Variants in FAF1 observed in about 807,000 individuals in gnomAD.
The protein encoded by FAF1 is FAS-associated factor 1.
A neutral mutation model predicts 92.5 loss-of-function variants in FAF1; 25 were observed. That is an observed-to-expected ratio of 0.27 (90% CI 0.20 to 0.38). The LOEUF (loss-of-function observed/expected upper bound fraction) is 0.38, where lower values mean the gene tolerates loss of function less well. Ranked by LOEUF, FAF1 falls within the 10% of genes least tolerant of loss-of-function variation. FAF1 has a pLI of 1.00. For missense variants in FAF1, 636 were observed against 793.3 expected, an observed-to-expected ratio of 0.80 and a Z score of 2.38; for synonymous variants, 234 against 273.2, an observed-to-expected ratio of 0.86 and a Z score of 1.42.
intron 7 of FAF1, among the ~76,000 whole-genome samples, chr1:50,674,505 A>G (rs989818923): frequency 6.6e-6 from 1 of 152,202 alleles, no homozygotes; most frequent in Non-Finnish European, 1.5e-5. Flanking sequence ...ACTCAAAGGG[A>G]TATTTCAGAG....
At chr1:50,843,665 T>A (rs1310987065) in intron 2 of FAF1, among the ~76,000 whole-genome samples, 1 of 152,054 alleles carries the variant, frequency 6.6e-6, no homozygotes, top group Non-Finnish European at 1.5e-5. Flanking sequence ...TTATTTAACA[T>A]AATGTCCTCC....
At chr1:50,590,033 T>C (rs955108208) in intron 9 of FAF1, among the ~76,000 whole-genome samples, 6 of 152,234 alleles carry the variant, frequency 3.9e-5, no homozygotes, top group African/African-American at 1.2e-4. Flanking sequence ...CATTGGGCTA[T>C]ATGTTAGTCT....
chr1:50,871,984 G>A (rs1481429457), intron 1 of FAF1, among the ~76,000 whole-genome samples: 1 of 148,956 alleles, frequency 6.7e-6, no homozygotes, highest in Non-Finnish European at 1.5e-5. Flanking sequence ...AGAATGGCAT[G>A]AACCCGGGAG....
chr1:50,665,971 G>A (rs1192283160), intron 7 of FAF1, among the ~76,000 whole-genome samples: 1 of 152,048 alleles, frequency 6.6e-6, no homozygotes, highest in Non-Finnish European at 1.5e-5. Flanking sequence ...GAGGTCAGAA[G>A]TTCAACACCA....
intron 13 of FAF1, among the ~76,000 whole-genome samples, chr1:50,544,292 C>G (rs1648899737): frequency 6.6e-6 from 1 of 152,136 alleles, no homozygotes; most frequent in African/African-American, 2.4e-5. Context: ...AAGGTAAAGG[C>G]AGTGATCCTA....
At chr1:50,837,252 G>C (rs563586346) in intron 2 of FAF1, among the ~76,000 whole-genome samples, 1 of 151,974 alleles carries the variant, frequency 6.6e-6, no homozygotes, top group African/African-American at 2.4e-5. Flanking sequence ...CACCGTGCCC[G>C]GCCATATGTT....
intron 1 of FAF1, among the ~76,000 whole-genome samples, chr1:50,933,670 G>A (rs1382369673): frequency 6.6e-6 from 1 of 152,076 alleles, no homozygotes; most frequent in South Asian, 2.1e-4. Context: ...TACCTTTTCG[G>A]CAACGCCCCA....
chr1:50,563,836 T>A (rs1434152822), intron 13 of FAF1, among the ~76,000 whole-genome samples: 1 of 152,190 alleles, frequency 6.6e-6, no homozygotes, highest in Non-Finnish European at 1.5e-5. Context: ...TCCAACATAT[T>A]TTGTACACAG....
chr1:50,804,875 C>T (rs77082692), intron 2 of FAF1, among the ~76,000 whole-genome samples: 34,827 of 152,098 alleles, frequency 0.23, 4,440 homozygotes, highest in Middle Eastern at 0.44. Flanking sequence ...GCACTACGCA[C>T]TACTTTGTGG....
chr1:50,569,931 G>C (rs1291781205), intron 12 of FAF1, among the ~76,000 whole-genome samples: 1 of 151,944 alleles, frequency 6.6e-6, no homozygotes, highest in East Asian at 1.9e-4. Context: ...GCAATAAAAC[G>C]GCATCTCTTT....
At chr1:50,623,665 G>A (rs1653319188) in intron 8 of FAF1, among the ~76,000 whole-genome samples, 1 of 151,984 alleles carries the variant, frequency 6.6e-6, no homozygotes, top group South Asian at 2.1e-4. Context: ...AATGAGGCCA[G>A]GTGTGGTAGC....
At chr1:50,860,834 T>C (rs1644426475) in intron 1 of FAF1, among the ~76,000 whole-genome samples, 1 of 151,866 alleles carries the variant, frequency 6.6e-6, no homozygotes. Flanking sequence ...AATCAACCCA[T>C]GTGCCCATCA....
At chr1:50,509,644 C>T (rs888447137) in intron 15 of FAF1, among the ~76,000 whole-genome samples, 1 of 151,882 alleles carries the variant, frequency 6.6e-6, no homozygotes, top group Non-Finnish European at 1.5e-5. Context: ...AAAAGAAGTG[C>T]CTGGTAATAT....
At chr1:50,662,113 T>A (rs1372289245) in intron 7 of FAF1, among the ~76,000 whole-genome samples, 1 of 152,216 alleles carries the variant, frequency 6.6e-6, no homozygotes, top group African/African-American at 2.4e-5. Context: ...AGTGTTTAAC[T>A]ATTACTTCTT....
chr1:50,831,116 G>A (rs948875962), intron 2 of FAF1, among the ~76,000 whole-genome samples: 1 of 152,010 alleles, frequency 6.6e-6, no homozygotes, highest in African/African-American at 2.4e-5. Flanking sequence ...GGTGAATTGA[G>A]TCAGTAGACA....
At chr1:50,770,835 GCAC>G (rs1301688189) in intron 4 of FAF1, among the ~76,000 whole-genome samples, 1 of 152,152 alleles carries the variant, frequency 6.6e-6, no homozygotes, top group East Asian at 1.9e-4. Context: ...AAAGCTGGAG[GCAC>G]CACATTACCC....
chr1:50,766,806 A>AC (rs1660591102), intron 4 of FAF1, among the ~76,000 whole-genome samples: 1 of 151,334 alleles, frequency 6.6e-6, no homozygotes, highest in Non-Finnish European at 1.5e-5. Flanking sequence ...AAAAAAAAAA[A>AC]AAAAAACCAC....
intron 8 of FAF1, among the ~76,000 whole-genome samples, chr1:50,642,094 T>C (rs1654361081): frequency 6.6e-6 from 1 of 151,258 alleles, no homozygotes; most frequent in African/African-American, 2.4e-5. Context: ...TCCCAGCTAC[T>C]CATGAGGCTG....
intron 15 of FAF1, among the ~76,000 whole-genome samples, chr1:50,515,133 T>C (rs761705686): frequency 6.6e-6 from 1 of 152,170 alleles, no homozygotes; most frequent in Non-Finnish European, 1.5e-5. Flanking sequence ...CTCTCATTAG[T>C]TGTATGAGAT....
Sources: gnomAD v4.1 joint callset for allele counts (sites outside exome capture counted in the v4.1 genomes callset) on GRCh38, gnomAD v4.1.1 for gene constraint, MANE v1.5 for transcripts, NCBI Gene and HGNC (gene_info 2026-07-23, HGNC 2026-07-21) for gene names.